N4BP1: variants seen among roughly 807,000 people sequenced by gnomAD.
N4BP1 encodes NEDD4-binding protein 1.
N4BP1 carries 21 observed loss-of-function variants against 70.9 expected under a neutral mutation model. That is an observed-to-expected ratio of 0.30 (90% CI 0.21 to 0.43). N4BP1 has a LOEUF of 0.43. Among genes scored for constraint, N4BP1 ranks in the 20% least tolerant of loss-of-function variants. The probability of loss-of-function intolerance (pLI) is 1.00; values close to 1 mark genes in which losing one functional copy is unlikely to be tolerated. For missense variants in N4BP1, 936 were observed against 1,069.4 expected, an observed-to-expected ratio of 0.88 and a Z score of 1.74; for synonymous variants, 387 against 394.6, an observed-to-expected ratio of 0.98 and a Z score of 0.23.
At chr16:48,554,025 G>A (rs978689624) in intron 2 of N4BP1, among the ~76,000 whole-genome samples, 2 of 152,158 alleles carry the variant, frequency 1.3e-5, no homozygotes, top group African/African-American at 4.8e-5. Flanking sequence ...GCTGTGTCCT[G>A]TCCCAGGAGG....
chr16:48,604,792 A>G (rs1243456413), intron 1 of N4BP1, among the ~76,000 whole-genome samples: 1 of 152,146 alleles, frequency 6.6e-6, no homozygotes, highest in Non-Finnish European at 1.5e-5. Context: ...CTTAAATACA[A>G]TATTTTATAT....
chr16:48,593,933 C>T (rs1332849907), intron 1 of N4BP1, among the ~76,000 whole-genome samples: 5 of 131,086 alleles, frequency 3.8e-5, no homozygotes, highest in Admixed American at 8.8e-5. Flanking sequence ...AACCAGTAGG[C>T]GGAGGTTGCA....
chr16:48,552,842 G>C (rs757893302), intron 3 of N4BP1, among the ~76,000 whole-genome samples: 8 of 150,498 alleles, frequency 5.3e-5, no homozygotes, highest in Non-Finnish European at 8.8e-5. Flanking sequence ...AATGGGGGAA[G>C]TTGGGAATAC....
intron 1 of N4BP1, among the ~76,000 whole-genome samples, chr16:48,591,889 T>TG (rs1039134230): frequency 8.1e-5 from 10 of 122,980 alleles, no homozygotes; most frequent in Non-Finnish European, 1.5e-4. Context: ...ACCTGACGTT[T>TG]TTTTTTTTTT....
At chr16:48,548,173 A>G (rs1963615639) in intron 4 of N4BP1, 59 bp from the exon 5 acceptor site, 11 of 943,968 alleles carry the variant, frequency 1.2e-5, no homozygotes. Context: ...CAGAGAAGCC[A>G]TGTTATAAGA....
At chr16:48,595,623 T>C (rs1964401224) in intron 1 of N4BP1, among the ~76,000 whole-genome samples, 1 of 152,214 alleles carries the variant, frequency 6.6e-6, no homozygotes, top group Non-Finnish European at 1.5e-5. Context: ...TATGGTGATA[T>C]AGTTATTTAC....
chr16:48,608,037 ATT>A (rs1400189906), intron 1 of N4BP1, among the ~76,000 whole-genome samples: 1 of 152,110 alleles, frequency 6.6e-6, no homozygotes, highest in East Asian at 1.9e-4. Flanking sequence ...AATTTTTTGT[ATT>A]TTTAGTAGAG....
At chr16:48,579,119 C>T (rs1344149079) in intron 1 of N4BP1, among the ~76,000 whole-genome samples, 1 of 152,170 alleles carries the variant, frequency 6.6e-6, no homozygotes, top group Non-Finnish European at 1.5e-5. Context: ...TCCTACAATA[C>T]ACAGTACAGC....
chr16:48,558,237 CAG>C (rs957342158), intron 2 of N4BP1, among the ~76,000 whole-genome samples: 2 of 144,532 alleles, frequency 1.4e-5, no homozygotes, highest in Admixed American at 7.0e-5. Flanking sequence ...TGCCTTTAAA[CAG>C]AGACATCTGT....
chr16:48,598,062 C>G (rs939321573), intron 1 of N4BP1, among the ~76,000 whole-genome samples: 2 of 152,176 alleles, frequency 1.3e-5, no homozygotes, highest in African/African-American at 4.8e-5. Flanking sequence ...CTATAAATGC[C>G]AAGTGGAACA....
chr16:48,549,956 T>C (rs1317689886), intron 4 of N4BP1, among the ~76,000 whole-genome samples: 1 of 152,142 alleles, frequency 6.6e-6, no homozygotes, highest in Admixed American at 6.5e-5. Context: ...GAGAAAAGAA[T>C]AAACAGCTAC....
intron 1 of N4BP1, chr16:48,600,281 T>C: frequency 8.7e-7 from 1 of 1,147,554 alleles, no homozygotes; most frequent in South Asian, 1.2e-5. Flanking sequence ...ATAAAAACTT[T>C]AAAAAGAAGC....
intron 1 of N4BP1, among the ~76,000 whole-genome samples, chr16:48,604,078 C>T (rs1045156192): frequency 6.6e-6 from 1 of 152,226 alleles, no homozygotes; most frequent in Non-Finnish European, 1.5e-5. Context: ...TACTATCTAA[C>T]CTTCCTTGGC....
In N4BP1 at chr16:48,609,925, C is replaced by T. The variant is rs1465883459; in HGVS notation, c.48G>A (p.Lys16=). ...VLDEFTAPAE[K]AELLEQSRGR... is the part of the protein sequence containing the mutation. ...CGCGGCTCTGCTCCAGCAGCTCCGC[C>T]TTCTCAGCTGGCGCAGTGAACTCGT... The change falls in exon 1 of 7, where the codon AAG becomes AAA. Residue 16 remains lysine, a synonymous_variant. Transcript: ENST00000262384. 7.7e-6 allele frequency: 11 copies of T among 1,431,906 alleles called. No homozygotes were observed. In the East Asian group the frequency reaches 3.1e-4, roughly 40 times the overall value. 88.7% of individuals were successfully genotyped at this position (1,431,906 alleles called of 1,614,324 possible). A position where few individuals can be genotyped will look rare whatever the true frequency, so the allele number is the denominator to read the frequency against.
At chr16:48,583,595 G>C (rs1321725944) in intron 1 of N4BP1, among the ~76,000 whole-genome samples, 2 of 152,162 alleles carry the variant, frequency 1.3e-5, no homozygotes, top group African/African-American at 4.8e-5. Flanking sequence ...ATGTTAATTA[G>C]CTAGCTTTAA....
chr16:48,569,684 C>T (rs1382040764), intron 1 of N4BP1, among the ~76,000 whole-genome samples: 1 of 152,168 alleles, frequency 6.6e-6, no homozygotes, highest in Non-Finnish European at 1.5e-5. Context: ...GCATGAGCCA[C>T]CATGCCTGGC....
chr16:48,570,293 C>T (rs1454990436), intron 1 of N4BP1, among the ~76,000 whole-genome samples: 2 of 152,178 alleles, frequency 1.3e-5, no homozygotes, highest in East Asian at 3.8e-4. Flanking sequence ...TGTGTTCATG[C>T]TGGAGGATTA....
At chr16:48,560,665 A>G in intron 2 of N4BP1, 89 bp downstream of exon 2, 1 of 1,448,912 alleles carries the variant, frequency 6.9e-7, no homozygotes, top group South Asian at 1.4e-5. Context: ...TATATACAAC[A>G]TGTATGTATA....
chr16:48,607,363 T>C (rs1477879569), intron 1 of N4BP1, among the ~76,000 whole-genome samples: 2 of 152,136 alleles, frequency 1.3e-5, no homozygotes, highest in African/African-American at 2.4e-5. Flanking sequence ...CAGAGACTAC[T>C]ACAGTGGAGA....
Sources: allele counts gnomAD v4.1 joint callset (sites outside exome capture counted in the v4.1 genomes callset), GRCh38; gene constraint gnomAD v4.1.1; transcripts MANE v1.5; gene names NCBI Gene and HGNC (gene_info 2026-07-23, HGNC 2026-07-21).